Variants in LAMB1 observed in about 807,000 individuals in gnomAD.
The protein encoded by LAMB1 is laminin subunit beta-1.
LAMB1 carries 121 observed loss-of-function variants against 222.3 expected under a neutral mutation model. The observed-to-expected ratio is 0.54, with a 90% confidence interval of 0.47 to 0.63. The LOEUF (loss-of-function observed/expected upper bound fraction) is 0.63, where lower values mean the gene tolerates loss of function less well. Ranked by LOEUF, LAMB1 falls within the 30% of genes least tolerant of loss-of-function variation. LAMB1 has a pLI of 0.00. For synonymous variants in LAMB1, 794 were observed against 807.2 expected (o/e 0.98, Z 0.28); for missense variants, 2,172 against 2,240.8 (o/e 0.97, Z 0.62).
At chr7:107,961,357 C>T (rs764137731) in intron 16 of LAMB1, 28 bp from the exon 17 acceptor site, 3 of 1,610,548 alleles carry the variant, frequency 1.9e-6, no homozygotes, top group South Asian at 1.1e-5. Flanking sequence ...AGAAAGACAA[C>T]AACGAAAGTC....
At chr7:107,962,043 T>A (rs1018384531) in intron 15 of LAMB1, among the ~76,000 whole-genome samples, 1 of 152,206 alleles carries the variant, frequency 6.6e-6, no homozygotes, top group Non-Finnish European at 1.5e-5. Flanking sequence ...ATATCTCTCA[T>A]CAAGCTATGT....
chr7:108,002,430 T>A (rs888670739), intron 2 of LAMB1: 3 of 1,315,004 alleles, frequency 2.3e-6, no homozygotes, highest in Non-Finnish European at 3.0e-6. Context: ...TAAAGCCACA[T>A]GGCCCCCATC....
chr7:107,962,952 T>C lies in LAMB1; in HGVS notation c.1810A>G (p.Ile604Val), dbSNP rs775226319. Residue 604 changes from isoleucine to valine, a missense_variant, in exon 15 of 34, where the codon ATA becomes GTA. Coordinates refer to ENST00000222399, the MANE Select transcript of LAMB1 (RefSeq NM_002291.3). ...ATGTCGTACTCCATGGAATATGGTATGTTGTCAATGAAAAACTCCAAATAA... is the reference window on the plus strand; with the variant it reads ...ATGTCGTACTCCATGGAATATGGTACGTTGTCAATGAAAAACTCCAAATAA... ...GAYLEFFIDN[I>V]PYSMEYDILI... The C allele has an allele frequency of 1.2e-6, 2 of 1,614,078 alleles. No homozygotes were observed. The highest frequency in any genetic ancestry group is 1.7e-6 in the Non-Finnish European group (2 of 1,179,996).
At chr7:107,927,211 GAATAA>G (rs1324030759) in intron 31 of LAMB1, among the ~76,000 whole-genome samples, 1 of 152,160 alleles carries the variant, frequency 6.6e-6, no homozygotes, top group Non-Finnish European at 1.5e-5. Context: ...CCTTTAATTA[GAATAA>G]AATTCTTAGA....
chr7:107,955,713 G>T, intron 20 of LAMB1, 83 bp from the exon 21 acceptor site: 1 of 1,282,574 alleles, frequency 7.8e-7, no homozygotes, highest in Non-Finnish European at 1.1e-6. Flanking sequence ...AAACTGTTCT[G>T]TTTGGGCACA....
At chr7:107,967,167 C>T (rs974316423) in intron 13 of LAMB1, among the ~76,000 whole-genome samples, 10 of 152,242 alleles carry the variant, frequency 6.6e-5, no homozygotes, top group African/African-American at 2.2e-4. Context: ...CTCAGCTCTG[C>T]TGTTTCTGCC....
chr7:107,960,007 A>G (rs1392158580), intron 18 of LAMB1, among the ~76,000 whole-genome samples, 173 bp from the exon 19 acceptor site: 2 of 152,228 alleles, frequency 1.3e-5, no homozygotes, highest in African/African-American at 2.4e-5. Context: ...AGATCAAAAC[A>G]GTTTTTCTAG....
At chr7:107,987,320 TTC>T (rs1467329637) in intron 5 of LAMB1, among the ~76,000 whole-genome samples, 4 of 152,100 alleles carry the variant, frequency 2.6e-5, no homozygotes, top group African/African-American at 4.8e-5. Flanking sequence ...GCCACAGAAT[TTC>T]TGTTTGGGGT....
rs146127117 is a variant in LAMB1, at chr7:107,986,252, T to C, written c.535A>G (p.Thr179Ala). ...DCEASFPGIS[T>A]GPMKKVDDII... ...TCATCGACTTTTTTCATGGGGCCAG[T>C]TGAAATGCCTGGAAACGAGGCCTCA... Residue 179 changes from threonine (T) to alanine (A), a missense_variant, in exon 6 of 34, where the codon ACT becomes GCT. Coordinates refer to ENST00000222399, the MANE Select transcript of LAMB1 (RefSeq NM_002291.3). 15 of 1,614,020 alleles carry C rather than the reference T, an allele frequency of 9.3e-6. No individual in the cohort carries two copies. The African/African-American group carries it at 1.1e-4, about 11-fold the overall frequency.
chr7:107,999,679 G>A (rs1269055188), intron 3 of LAMB1: 6 of 112,748 alleles, frequency 5.3e-5, no homozygotes, highest in Non-Finnish European at 1.1e-4. Flanking sequence ...CATATGTCCA[G>A]TCCCTTTCTT....
At chr7:107,960,393 A>ATATAC in intron 18 of LAMB1, 52 bp downstream of exon 18, 1 of 1,416,314 alleles carries the variant, frequency 7.1e-7, no homozygotes, top group Non-Finnish European at 1.0e-6. Context: ...CATGTGCCAG[A>ATATAC]TATACTCAGA....
chr7:107,962,999 A>C lies in LAMB1; in HGVS notation c.1763T>G (p.Phe588Cys), dbSNP rs745753008. The C allele has an allele frequency of 1.9e-6, 3 of 1,614,084 alleles. No individual in the cohort carries two copies. Among genetic ancestry groups the C allele is most frequent in the Non-Finnish European group, 1.7e-6 (2 of 1,179,944 alleles). The change falls in exon 15 of 34, where the codon TTC becomes TGC. Residue 588 changes from phenylalanine (F) to cysteine (C), a missense_variant. Transcript: ENST00000222399. ...ATAAGCCCCTTCAGGCACTCGGACG[A>C]AGCCGGCTCCAGTCCAGGAGGGAAT... ...DRIPSWTGAG[F>C]VRVPEGAYLE...
At chr7:107,951,616 G>A (rs1053871022) in intron 23 of LAMB1, among the ~76,000 whole-genome samples, 5 of 152,206 alleles carry the variant, frequency 3.3e-5, no homozygotes, top group African/African-American at 7.2e-5. Context: ...CCTTTGACTC[G>A]CCTGACTTAG....
rs1476527781 is a variant in LAMB1, at chr7:107,929,551, T to C, written c.4606A>G (p.Thr1536Ala). Residue 1536 changes from threonine (T) to alanine (A), a missense_variant, in exon 30 of 34, where the codon ACC (threonine) becomes GCC (alanine). Coordinates refer to ENST00000222399, the MANE Select transcript of LAMB1 (RefSeq NM_002291.3). ...NEVLKMEMPS[T>A]PQQLQNLTED... Reference sequence around the variant, plus strand: ...GTCAAGTTCTGTAACTGCTGTGGGGTGCTAGGCATCTCCATTTTCAATACT... The same window carrying C: ...GTCAAGTTCTGTAACTGCTGTGGGGCGCTAGGCATCTCCATTTTCAATACT... The C allele has an allele frequency of 3.1e-6, 5 of 1,614,096 alleles. No homozygotes were observed. The highest frequency in any genetic ancestry group is 4.2e-6 in the Non-Finnish European group (5 of 1,179,972).
intron 13 of LAMB1, among the ~76,000 whole-genome samples, chr7:107,966,931 C>T (rs1397371472): frequency 3.3e-5 from 5 of 152,228 alleles, no homozygotes; most frequent in African/African-American, 9.6e-5. Flanking sequence ...ATTGTCATCA[C>T]AGATAGGCAT....
At chr7:107,966,762 G>A (rs921386970) in intron 13 of LAMB1, among the ~76,000 whole-genome samples, 1 of 152,202 alleles carries the variant, frequency 6.6e-6, no homozygotes. Flanking sequence ...TAGAGAACGA[G>A]CAAATGAAGG....
intron 20 of LAMB1, among the ~76,000 whole-genome samples, chr7:107,958,027 T>C (rs1391719061): frequency 6.6e-6 from 1 of 152,196 alleles, no homozygotes; most frequent in Non-Finnish European, 1.5e-5. Flanking sequence ...TGATTCTGAA[T>C]CAGCATTGTG....
At chr7:107,947,434 A>G (rs79858530) in intron 24 of LAMB1, among the ~76,000 whole-genome samples, 3,429 of 152,274 alleles carry the variant, frequency 0.023, 130 homozygotes, top group African/African-American at 0.077. Context: ...GTTCCATCTA[A>G]TTTTGAATGA....
intron 2 of LAMB1, chr7:108,002,352 T>C (rs750928128): frequency 4.6e-5 from 61 of 1,315,214 alleles, no homozygotes; most frequent in Non-Finnish European, 5.9e-5. Context: ...TCAAGGCTTC[T>C]CCATTCCAGG....
Sources: gnomAD v4.1 joint callset for allele counts (sites outside exome capture counted in the v4.1 genomes callset) on GRCh38, gnomAD v4.1.1 for gene constraint, MANE v1.5 for transcripts, NCBI Gene and HGNC (gene_info 2026-07-23, HGNC 2026-07-21) for gene names.